CLYBL: variants seen among roughly 807,000 people sequenced by gnomAD.
CLYBL encodes the protein citramalyl-CoA lyase, mitochondrial.
In CLYBL, 31 loss-of-function variants were observed where a neutral mutation model predicts 38.9. The observed-to-expected ratio is 0.80, with a 90% CI of 0.60 to 1.08. The LOEUF (loss-of-function observed/expected upper bound fraction) is 1.08. Among genes scored for constraint, CLYBL ranks in the 50% least tolerant of loss-of-function variants. The pLI is 0.00. For missense variants in CLYBL, 434 were observed against 411.6 expected, an observed-to-expected ratio of 1.05 and a Z score of -0.47; for synonymous variants, 171 against 158.6, an observed-to-expected ratio of 1.08 and a Z score of -0.59.
intron 1 of CLYBL, among the ~76,000 whole-genome samples, chr13:99,673,327 C>T (rs1035195077): frequency 2.0e-5 from 3 of 151,608 alleles, no homozygotes; most frequent in African/African-American, 7.3e-5. Context: ...GCAGGAGAAT[C>T]ACTTGAACCC....
intron 1 of CLYBL, among the ~76,000 whole-genome samples, chr13:99,761,678 A>G (rs1240555612): frequency 6.6e-6 from 1 of 152,232 alleles, no homozygotes; most frequent in East Asian, 1.9e-4. Context: ...TTTTGGATAT[A>G]TACTGAGTAG....
At chr13:99,611,906 C>T (rs2046632339) in intron 1 of CLYBL, among the ~76,000 whole-genome samples, 1 of 152,174 alleles carries the variant, frequency 6.6e-6, no homozygotes, top group Non-Finnish European at 1.5e-5. Context: ...ATGCTGACTC[C>T]TTATCCTTTT....
chr13:99,686,219 G>A (rs576075884), intron 1 of CLYBL, among the ~76,000 whole-genome samples: 2 of 152,218 alleles, frequency 1.3e-5, no homozygotes, highest in East Asian at 1.9e-4. Context: ...TTCAATCCAG[G>A]CTACATGCTC....
intron 1 of CLYBL, among the ~76,000 whole-genome samples, chr13:99,673,783 C>T (rs1310696899): frequency 6.6e-6 from 1 of 152,162 alleles, no homozygotes; most frequent in Non-Finnish European, 1.5e-5. Flanking sequence ...GTTGAGAATA[C>T]CATGTAGGAG....
At chr13:99,823,895 G>GGAAA (rs1424826754) in intron 2 of CLYBL, among the ~76,000 whole-genome samples, 1 of 152,158 alleles carries the variant, frequency 6.6e-6, no homozygotes, top group African/African-American at 2.4e-5. Flanking sequence ...TTCCCATTCT[G>GGAAA]TCATCCAGGT....
At chr13:99,656,292 C>G (rs1390025614) in intron 1 of CLYBL, among the ~76,000 whole-genome samples, 1 of 152,098 alleles carries the variant, frequency 6.6e-6, no homozygotes, top group Admixed American at 6.6e-5. Flanking sequence ...CAGTTCTAGG[C>G]AGACCACTAG....
chr13:99,641,077 G>C (rs1458607813), intron 1 of CLYBL, among the ~76,000 whole-genome samples: 3 of 152,198 alleles, frequency 2.0e-5, no homozygotes, highest in African/African-American at 4.8e-5. Flanking sequence ...GTATGTAACA[G>C]TTTTCTATTG....
At chr13:99,746,433 G>A (rs1262924702) in intron 1 of CLYBL, among the ~76,000 whole-genome samples, 3 of 150,988 alleles carry the variant, frequency 2.0e-5, no homozygotes, top group Admixed American at 2.0e-4. Context: ...GGATATTTCT[G>A]GTGGTCTCAT....
intron 2 of CLYBL, among the ~76,000 whole-genome samples, chr13:99,797,029 A>G (rs947485146): frequency 3.9e-5 from 6 of 152,206 alleles, no homozygotes; most frequent in African/African-American, 1.4e-4. Flanking sequence ...AATGGGTTAC[A>G]TGTGATCAAT....
intron 2 of CLYBL, among the ~76,000 whole-genome samples, chr13:99,793,422 C>T (rs181143135): frequency 6.6e-6 from 1 of 152,294 alleles, no homozygotes; most frequent in African/African-American, 2.4e-5. Flanking sequence ...GAAAGCTGAA[C>T]TGTGCTTAGG....
At chr13:99,829,272 C>T (rs1009693358) in intron 2 of CLYBL, among the ~76,000 whole-genome samples, 2 of 152,230 alleles carry the variant, frequency 1.3e-5, no homozygotes, top group African/African-American at 2.4e-5. Context: ...AGATGCAAAC[C>T]TTCCTGTTTT....
At chr13:99,716,192 TTTTTTTTTTTTTTTTA>T in intron 1 of CLYBL, among the ~76,000 whole-genome samples, 2 of 120,134 alleles carry the variant, frequency 1.7e-5, no homozygotes, top group Non-Finnish European at 3.5e-5. Flanking sequence ...TTTTTTTTTT[TTTTTTTTTTTTTTTTA>T]GAGACAAGGT....
chr13:99,686,426 C>T (rs2047818741), intron 1 of CLYBL, among the ~76,000 whole-genome samples: 1 of 152,152 alleles, frequency 6.6e-6, no homozygotes, highest in South Asian at 2.1e-4. Flanking sequence ...ATAGCAGAAA[C>T]ATCTTTGGAG....
chr13:99,779,851 G>A (rs556927617), intron 2 of CLYBL, among the ~76,000 whole-genome samples: 1 of 152,242 alleles, frequency 6.6e-6, no homozygotes, highest in East Asian at 1.9e-4. Flanking sequence ...TTAGAGAAAT[G>A]TGATGTGAAT....
At chr13:99,679,095 T>A (rs1005690935) in intron 1 of CLYBL, among the ~76,000 whole-genome samples, 1 of 151,970 alleles carries the variant, frequency 6.6e-6, no homozygotes, top group East Asian at 1.9e-4. Context: ...GAGATTGAGA[T>A]CATCCTGGCT....
intron 1 of CLYBL, among the ~76,000 whole-genome samples, chr13:99,716,983 G>A (rs145657078): frequency 0.063 from 9,440 of 150,392 alleles, 375 homozygotes; most frequent in East Asian, 0.11. Flanking sequence ...TAGAGACGGG[G>A]TTTCTCCATG....
At chr13:99,666,824 T>C (rs1402104849) in intron 1 of CLYBL, among the ~76,000 whole-genome samples, 1 of 152,164 alleles carries the variant, frequency 6.6e-6, no homozygotes, top group Non-Finnish European at 1.5e-5. Flanking sequence ...AACCCACCTA[T>C]GTTAACAAAA....
intron 1 of CLYBL, among the ~76,000 whole-genome samples, chr13:99,718,374 GAA>G (rs80328734): frequency 6.5e-5 from 8 of 123,062 alleles, no homozygotes; most frequent in Admixed American, 2.5e-4. Flanking sequence ...TTAAAAAAAA[GAA>G]AAAAAAAAAA....
chr13:99,627,506 T>C (rs978805479), intron 1 of CLYBL, among the ~76,000 whole-genome samples: 2 of 152,234 alleles, frequency 1.3e-5, no homozygotes, highest in African/African-American at 4.8e-5. Flanking sequence ...GAAAATTTTC[T>C]GTGTGCGAGT....
Sources: gnomAD v4.1 joint callset for allele counts (sites outside exome capture counted in the v4.1 genomes callset) on GRCh38, gnomAD v4.1.1 for gene constraint, MANE v1.5 for transcripts, NCBI Gene and HGNC (gene_info 2026-07-23, HGNC 2026-07-21) for gene names.